Variants in AFP observed in about 807,000 individuals in gnomAD.
AFP encodes alpha fetoprotein, also known as alpha-fetoprotein.
AFP carries 64 observed loss-of-function variants against 78.9 expected under a neutral mutation model. The observed-to-expected ratio is 0.81, with a 90% confidence interval of 0.66 to 1.00. The LOEUF (loss-of-function observed/expected upper bound fraction) is 1.00, where lower values mean the gene tolerates loss of function less well. AFP is among the 50% of genes least tolerant of loss of function. The pLI, the probability that AFP is intolerant of heterozygous loss-of-function variation, is 0.00. For synonymous variants in AFP, 254 were observed against 243.8 expected (o/e 1.04, Z -0.39); for missense variants, 689 against 703.8 (o/e 0.98, Z 0.24).
At chr4:73,446,626 G>A (rs573365309) in intron 7 of AFP, among the ~76,000 whole-genome samples, 1 of 14,828 alleles carries the variant, frequency 6.7e-5, no homozygotes, top group African/African-American at 1.9e-4. Flanking sequence ...ATTTCTCGTG[G>A]AGCAGAAAGT....
intron 7 of AFP, 51 bp downstream of exon 7, chr4:73,445,173 T>G: frequency 6.2e-7 from 1 of 1,605,788 alleles, no homozygotes. Context: ...CTTTTCTTTC[T>G]TTTTGTCTCA....
rs1223173057 is a variant in AFP at position 73,445,105 on chromosome 4, G to T, written c.826G>T (p.Asp276Tyr). The change falls in exon 7 of 15, where the codon GAT becomes TAT. Residue 276 changes from aspartate (D) to tyrosine (Y), a missense_variant. Physicochemically the swap from Asp to Tyr is radical, Grantham distance 160 (BLOSUM62 -3). Coordinates refer to ENST00000395792, the MANE Select transcript of AFP (RefSeq NM_001134.3). ...GCACTGTTGCAGAGGAGATGTGCTG[G>T]ATTGTCTGCAGGATGGGGTGAAGAG... ...HEHCCRGDVL[D>Y]CLQDGEKIMS... is the part of the protein sequence containing the mutation. 1.9e-6 allele frequency: 3 copies of T among 1,613,830 alleles called. No individual in the cohort carries two copies. Among genetic ancestry groups the T allele is most frequent in the South Asian group, 2.2e-5 (2 of 91,080 alleles).
At chr4:73,437,107 C>A in intron 1 of AFP, 53 bp from the exon 2 acceptor site, 1 of 1,331,450 alleles carries the variant, frequency 7.5e-7, no homozygotes, top group Non-Finnish European at 1.1e-6. Context: ...ACAATGATTA[C>A]TTTCTTGGTT....
Position 73,452,397 on chromosome 4 carries a change from C to G in AFP, c.1429-4C>G. 1.2e-6 allele frequency: 2 copies of G among 1,613,426 alleles called. No homozygotes were observed. The highest frequency in any genetic ancestry group is 1.7e-6 in the Non-Finnish European group (2 of 1,179,396). On this transcript the variant is annotated splice_polypyrimidine_tract_variant and splice_region_variant and intron_variant, in intron 11 of 14. Coordinates refer to ENST00000395792, the MANE Select transcript of AFP (RefSeq NM_001134.3). The stretch of plus-strand genomic sequence containing the variant: ...TTACTTTTTTTTCTCATTCTCCTAA[C>G]CAGGCTGACATTATTATCGGACACT...
At chr4:73,449,268 G>T in intron 8 of AFP, 67 bp from the exon 9 acceptor site, 1 of 1,422,322 alleles carries the variant, frequency 7.0e-7, no homozygotes, top group Non-Finnish European at 9.8e-7. Flanking sequence ...GGAATAACTG[G>T]AGAAGTGATG....
At chr4:73,450,408 A>G (rs1300055088) in intron 10 of AFP, 2 of 706,746 alleles carry the variant, frequency 2.8e-6, no homozygotes, top group Non-Finnish European at 4.6e-6. Context: ...TTGCTTTTTC[A>G]TTGTGATATG....
At chr4:73,437,083 A>C (rs41265655) in intron 1 of AFP, 77 bp from the exon 2 acceptor site, 129,082 of 1,110,006 alleles carry the variant, frequency 0.12, 8,153 homozygotes, top group Middle Eastern at 0.14. Context: ...CTGAAACACA[A>C]ACATTCATAT....
chr4:73,443,421 T>G lies in AFP; in HGVS notation c.690T>G (p.Phe230Leu), dbSNP rs550169369. ...ATGCATGTGCAGTAATGAAAAATTT[T>G]GGGACCCGAACTTTCCAAGCCATGT... The part of the protein sequence containing the change: ...NQHACAVMKN[F>L]GTRTFQAITV... Residue 230 changes from phenylalanine (F) to leucine (L), a missense_variant, in exon 6 of 15, where the codon TTT becomes TTG. Phe to Leu is a conservative substitution (Grantham distance 22, BLOSUM62 0). Transcript: ENST00000395792. The G allele has an allele frequency of 3.1e-6, 5 of 1,612,710 alleles. No homozygotes were observed. The South Asian group carries it at 4.4e-5, about 14-fold the overall frequency.
intron 13 of AFP, among the ~76,000 whole-genome samples, chr4:73,454,223 A>G (rs1310133487): frequency 1.3e-5 from 2 of 152,056 alleles, no homozygotes; most frequent in Non-Finnish European, 2.9e-5. Flanking sequence ...ATTCAGCTAA[A>G]TGGATTAAAG....
At chr4:73,444,297 A>G (rs1024985433) in intron 6 of AFP, among the ~76,000 whole-genome samples, 3 of 152,316 alleles carry the variant, frequency 2.0e-5, no homozygotes, top group African/African-American at 7.2e-5. Flanking sequence ...TTGAGATAGT[A>G]TTATAATACC....
intron 12 of AFP, 33 bp from the exon 13 acceptor site, chr4:73,453,732 T>A: frequency 6.2e-7 from 1 of 1,609,928 alleles, no homozygotes; most frequent in Non-Finnish European, 8.5e-7. Context: ...CATAACAGAC[T>A]TCTCTTGTAT....
intron 1 of AFP, among the ~76,000 whole-genome samples, chr4:73,436,581 T>C (rs1037060804): frequency 6.6e-6 from 1 of 151,676 alleles, no homozygotes; most frequent in African/African-American, 2.4e-5. Context: ...GTTGAATTAA[T>C]TTTTACACTT....
chr4:73,455,428 A>T, intron 14 of AFP, 138 bp downstream of exon 14: 1 of 756,386 alleles, frequency 1.3e-6, no homozygotes. Flanking sequence ...TTTTAAAAAC[A>T]CTTGAACAAA....
In AFP at chr4:73,455,724, A is replaced by C; in HGVS notation, c.*104A>C. 1 of 680,212 alleles carries C rather than the reference A, an allele frequency of 1.5e-6. No homozygotes were observed. The highest frequency in any genetic ancestry group is 2.6e-6 in the Non-Finnish European group (1 of 378,076). 42.1% of individuals were successfully genotyped at this position (680,212 alleles called of 1,614,324 possible). ...ACTTTTTGTGAATTAATGAAATGAT[A>C]AAGACTTTTATGTGAGATTTCCTTA... On this transcript the variant is annotated 3_prime_UTR_variant, in exon 15 of 15. Coordinates refer to ENST00000395792, the MANE Select transcript of AFP (RefSeq NM_001134.3).
chr4:73,452,359 A>G (rs757310328), intron 11 of AFP, 42 bp from the exon 12 acceptor site: 2 of 1,551,772 alleles, frequency 1.3e-6, no homozygotes, highest in Non-Finnish European at 1.8e-6. Flanking sequence ...TTTGTGACTA[A>G]TGCCCAATCT....
At chr4:73,439,329 A>G (rs1340672049) in intron 3 of AFP, among the ~76,000 whole-genome samples, 1 of 152,180 alleles carries the variant, frequency 6.6e-6, no homozygotes, top group East Asian at 1.9e-4. Flanking sequence ...CATAGAAGAG[A>G]TGCTCCTTTA....
intron 4 of AFP, among the ~76,000 whole-genome samples, chr4:73,441,808 A>T (rs1240457556): frequency 2.6e-5 from 4 of 152,062 alleles, no homozygotes; most frequent in Non-Finnish European, 5.9e-5. Flanking sequence ...ACTCTTCATC[A>T]CTTCTGCCTT....
At position 73,445,136 on chromosome 4, in the gene AFP, C is replaced by T; in HGVS notation, c.843+14C>T. 6.2e-7 allele frequency: 1 copy of T among 1,613,378 alleles called. No individual in the cohort carries two copies. The highest frequency in any genetic ancestry group is 8.5e-7 in the Non-Finnish European group (1 of 1,179,480). ...CTGCAGGATGGGGTGAAGAGTCTTG[C>T]TTCTTAAAATAGAAGATTTTCACTC... On this transcript the variant is annotated intron_variant, in intron 7 of 14. Transcript: ENST00000395792.
At chr4:73,436,416 A>C in intron 1 of AFP, 69 bp downstream of exon 1, 1 of 909,534 alleles carries the variant, frequency 1.1e-6, no homozygotes, top group Admixed American at 2.5e-5. Context: ...AATTTGCATT[A>C]ATTTGTCTTG....
Sources: allele counts gnomAD v4.1 joint callset (sites outside exome capture counted in the v4.1 genomes callset), GRCh38; gene constraint gnomAD v4.1.1; transcripts MANE v1.5; gene names NCBI Gene and HGNC (gene_info 2026-07-23, HGNC 2026-07-21).